COL5A1: variants seen among roughly 807,000 people sequenced by gnomAD.
COL5A1 encodes the protein collagen type V alpha 1 chain.
A neutral mutation model predicts 263.7 loss-of-function variants in COL5A1; 16 were observed. The observed-to-expected ratio is 0.06, with a 90% CI of 0.04 to 0.09. The LOEUF is 0.09. COL5A1 is among the 10% of genes least tolerant of loss of function. The pLI is 1.00. For missense variants in COL5A1, 2,036 were observed against 2,540.5 expected, an observed-to-expected ratio of 0.80 and a Z score of 4.27; for synonymous variants, 1,012 against 1,004.5, an observed-to-expected ratio of 1.01 and a Z score of -0.14.
chr9:134,823,623 G>A lies in COL5A1; in HGVS notation c.4698+154G>A, dbSNP rs181768633. 4.5e-3 allele frequency among the ~76,000 whole-genome samples: 680 copies of A among 152,366 alleles called. No individual in the cohort carries two copies. Among genetic ancestry groups the A allele is most frequent in the Non-Finnish European group, 6.4e-3 (433 of 68,042 alleles). On this transcript the variant is annotated intron_variant, in intron 61 of 65. Transcript: ENST00000371817. ...GTCCCTCGCACGCAGCCGGGGAAAT[G>A]AGCCACACAGGTCTATCACAGGAAG...
At chr9:134,763,253 A>G (rs752540231) in intron 19 of COL5A1, among the ~76,000 whole-genome samples, 2 of 152,202 alleles carry the variant, frequency 1.3e-5, no homozygotes, top group Non-Finnish European at 2.9e-5. Context: ...TCCCTTCTGC[A>G]GCCAGGAGGA....
rs966286197 is a variant in COL5A1, at chr9:134,841,081, C to T, written c.5371-1076C>T. Among the ~76,000 whole-genome samples the T allele has an allele frequency of 6.6e-5, 10 of 152,174 alleles. No homozygotes were observed. The highest frequency in any genetic ancestry group is 2.0e-4 in the Admixed American group (3 of 15,276). On this transcript the variant is annotated intron_variant, in intron 65 of 65. Transcript: ENST00000371817. The surrounding 1 kb of genome is among the most constrained non-coding windows in gnomAD (Gnocchi z 4.8). ...CATCCTGGGGTCACTGCCTCCCATCCGGGAGGGAACCCTGGCTGGCCCCTA... is the reference window on the plus strand; with the variant it reads ...CATCCTGGGGTCACTGCCTCCCATCTGGGAGGGAACCCTGGCTGGCCCCTA...
chr9:134,731,111 T>C (rs55801809), intron 7 of COL5A1, among the ~76,000 whole-genome samples: 17 of 152,338 alleles, frequency 1.1e-4, no homozygotes, highest in Non-Finnish European at 2.2e-4. Context: ...ACATAGCCAC[T>C]GTGTGATGCA....
At chr9:134,828,094 G>A (rs949432333) in intron 63 of COL5A1, among the ~76,000 whole-genome samples, 3 of 152,194 alleles carry the variant, frequency 2.0e-5, no homozygotes, top group South Asian at 2.1e-4. Context: ...GGGACAGGCC[G>A]GCCCTGGGGG....
rs1386920835 is a variant in COL5A1 at position 134,686,441 on chromosome 9, G to C, written c.110-4471G>C. Among the ~76,000 whole-genome samples the C allele has an allele frequency of 6.6e-6, 1 of 152,028 alleles. No individual in the cohort carries two copies. Among genetic ancestry groups the C allele is most frequent in the Non-Finnish European group, 1.5e-5 (1 of 68,018 alleles). ...CTAATTTTTGTATTTATGTAGAGAC[G>C]GGGTTTTACCATGTTGCCCAGGTTG... On this transcript the variant is annotated intron_variant, in intron 1 of 65. Transcript: ENST00000371817. This position sits in a 1 kb window ranked among gnomAD's most constrained non-coding sequence, Gnocchi z 4.6.
chr9:134,718,333 A>C (rs1284932641), intron 4 of COL5A1, among the ~76,000 whole-genome samples: 1 of 152,216 alleles, frequency 6.6e-6, no homozygotes, highest in Non-Finnish European at 1.5e-5. Flanking sequence ...GGTGGCGGAA[A>C]CTTCCAGGGC....
chr9:134,761,018 G>A lies in COL5A1; in HGVS notation c.1936-907G>A, dbSNP rs111066207. On this transcript the variant is annotated intron_variant, in intron 18 of 65. Coordinates refer to ENST00000371817, the MANE Select transcript of COL5A1 (RefSeq NM_000093.5). Reference sequence around the variant, plus strand: ...ATACACGTGCACACCAGCCACACACGCATACACACGTGCACAGGCTCCACA... The same window carrying A: ...ATACACGTGCACACCAGCCACACACACATACACACGTGCACAGGCTCCACA... Among the ~76,000 whole-genome samples the A allele has an allele frequency of 8.8e-3, 1,210 of 137,870 alleles. 19 individuals carry two copies. The highest frequency in any genetic ancestry group is 0.033 in the African/African-American group (1,169 of 35,594). The allele number at this position is 137,870 out of a possible 152,430, so 90.4% of individuals were successfully genotyped here.
intron 64 of COL5A1, 122 bp from the exon 65 acceptor site, chr9:134,834,849 G>A (rs936260924): frequency 1.3e-5 from 10 of 742,948 alleles, no homozygotes; most frequent in South Asian, 3.1e-5. Context: ...GGTACAGTGC[G>A]TTTCCAGGTA....
At position 134,678,766 on chromosome 9, in the gene COL5A1, G is replaced by A. The variant is rs193180111; in HGVS notation, c.110-12146G>A. Among the ~76,000 whole-genome samples, 4 of 152,368 alleles carry A rather than the reference G, an allele frequency of 2.6e-5. No individual in the cohort carries two copies. The highest frequency in any genetic ancestry group is 1.9e-4 in the East Asian group (1 of 5,188). ...TGAAACTGGCCCTCGCTGGAGGAAC[G>A]GGTGGGCCGGGCCCTGGGTGAAGGG... is the stretch of plus-strand genomic sequence containing the variant. On this transcript the variant is annotated intron_variant, in intron 1 of 65. Transcript: ENST00000371817. This position sits in a 1 kb window ranked among gnomAD's most constrained non-coding sequence, Gnocchi z 5.5.
Position 134,642,125 on chromosome 9 carries a change from G to C in COL5A1, c.-63G>C, listed in dbSNP as rs1831308258. The C allele has an allele frequency of 5.7e-6, 7 of 1,226,168 alleles. No homozygotes were observed. Among genetic ancestry groups the C allele is most frequent in the Non-Finnish European group, 7.1e-6 (7 of 984,108 alleles). 76.0% of individuals were successfully genotyped at this position (1,226,168 alleles called of 1,614,324 possible). A position where few individuals can be genotyped will look rare whatever the true frequency, so the allele number is the denominator to read the frequency against. ...GTGCGCTGCCCGGGCCGTGACCCGCGCCCCTGTGCGTCCCCGCGCGCCTCC... is the reference window on the plus strand; with the variant it reads ...GTGCGCTGCCCGGGCCGTGACCCGCCCCCCTGTGCGTCCCCGCGCGCCTCC... On this transcript the variant is annotated 5_prime_UTR_variant, in exon 1 of 66. Transcript: ENST00000371817. The surrounding 1 kb of genome is among the most constrained non-coding windows in gnomAD (Gnocchi z 4.5).
At chr9:134,801,920 C>T (rs1475974062) in intron 37 of COL5A1, 34 bp from the exon 38 acceptor site, 1 of 1,608,194 alleles carries the variant, frequency 6.2e-7, no homozygotes, top group Admixed American at 1.7e-5. Flanking sequence ...CAGGCCACTG[C>T]AGCACCGTCA....
rs1835352231 is a variant in COL5A1 at position 134,742,981 on chromosome 9, TC to T, written c.1494+4174del. ...CTTCCAGGGCCCACACCTGCTAGCC[TC>T]GATAGAAACACCCGGAAGGCAGGCG... On this transcript the variant is annotated intron_variant, in intron 11 of 65. Transcript: ENST00000371817. This position sits in a 1 kb window ranked among gnomAD's most constrained non-coding sequence, Gnocchi z 4.6. 6.6e-6 allele frequency among the ~76,000 whole-genome samples: 1 copy of T among 152,170 alleles called. No individual in the cohort carries two copies. The highest frequency in any genetic ancestry group is 2.1e-4 in the South Asian group (1 of 4,830).
chr9:134,775,605 G>GT (rs1434690755), intron 27 of COL5A1, among the ~76,000 whole-genome samples: 2 of 152,202 alleles, frequency 1.3e-5, no homozygotes, highest in Non-Finnish European at 2.9e-5. Context: ...CTGCTCTCTG[G>GT]ACACGGCACG....
At chr9:134,679,080 C>T (rs1832758414) in intron 1 of COL5A1, among the ~76,000 whole-genome samples, 1 of 152,234 alleles carries the variant, frequency 6.6e-6, no homozygotes. Context: ...CACTACTTGA[C>T]ACCCTTAAAG....
Position 134,814,780 on chromosome 9 carries a change from T to C in COL5A1, c.3907-17T>C. ...GTGGTTGGCTCTGAGGACTTGACAC[T>C]GGCCTCTTTCCTCCAGGGACCCAAA... On this transcript the variant is annotated splice_polypyrimidine_tract_variant and intron_variant, in intron 49 of 65. Transcript: ENST00000371817. 1 of 1,544,024 alleles carries C rather than the reference T, an allele frequency of 6.5e-7. No homozygotes were observed. The highest frequency in any genetic ancestry group is 8.8e-7 in the Non-Finnish European group (1 of 1,140,224).
intron 4 of COL5A1, among the ~76,000 whole-genome samples, chr9:134,704,566 TC>T (rs1833778196): frequency 6.6e-6 from 1 of 152,180 alleles, no homozygotes; most frequent in Non-Finnish European, 1.5e-5. Flanking sequence ...AATTCTGTGT[TC>T]CTGGTGAGCC....
At chr9:134,738,590 C>T (rs1835188259) in intron 10 of COL5A1, 75 bp downstream of exon 10, 2 of 1,585,958 alleles carry the variant, frequency 1.3e-6, no homozygotes, top group South Asian at 2.2e-5. Flanking sequence ...CCCCTTATGT[C>T]TCCTGGATGG....
At chr9:134,668,311 G>A (rs1047491863) in intron 1 of COL5A1, among the ~76,000 whole-genome samples, 2 of 152,166 alleles carry the variant, frequency 1.3e-5, no homozygotes, top group Non-Finnish European at 1.5e-5. Context: ...TCTAAGATGA[G>A]GTCTAGGAGA....
chr9:134,796,346 C>T (rs760389410), intron 34 of COL5A1, 28 bp from the exon 35 acceptor site: 11 of 1,612,460 alleles, frequency 6.8e-6, no homozygotes, highest in Non-Finnish European at 8.5e-6. Context: ...CAATCATAAG[C>T]TTTTCCCCCC....
Sources: allele counts gnomAD v4.1 joint callset (sites outside exome capture counted in the v4.1 genomes callset), GRCh38; gene constraint gnomAD v4.1.1; non-coding constraint Gnocchi (gnomAD v3.1); transcripts MANE v1.5; gene names NCBI Gene and HGNC (gene_info 2026-07-23, HGNC 2026-07-21).